The following ASAH2 variants were observed in gnomAD, a reference collection of about 807,000 sequenced individuals.
ASAH2 encodes the protein N-acylsphingosine amidohydrolase 2, also known as neutral ceramidase.
A neutral mutation model predicts 82.9 loss-of-function variants in ASAH2; 58 were observed. That is an observed-to-expected ratio of 0.70 (90% CI 0.57 to 0.87). The LOEUF is 0.87. Among genes scored for constraint, ASAH2 ranks in the 40% least tolerant of loss-of-function variants. ASAH2 has a pLI of 0.00. For synonymous variants in ASAH2, 276 were observed against 289.7 expected, an observed-to-expected ratio of 0.95 and a Z score of 0.48; for missense variants, 779 against 834.0, an observed-to-expected ratio of 0.93 and a Z score of 0.81.
At chr10:50,245,078 T>C in intron 3 of ASAH2, 144 bp downstream of exon 3, 1 of 749,120 alleles carries the variant, frequency 1.3e-6, no homozygotes, top group East Asian at 2.5e-5. Context: ...AGTATGAAAT[T>C]CATAGTGCTA....
intron 15 of ASAH2, 97 bp from the exon 16 acceptor site, chr10:50,203,021 AGTTT>A (rs1469891132): frequency 2.3e-6 from 2 of 863,492 alleles, no homozygotes; most frequent in Middle Eastern, 2.3e-4. Context: ...TTACACTATT[AGTTT>A]AAGATATTTT....
At chr10:50,247,644 T>C (rs893950079) in intron 2 of ASAH2, among the ~76,000 whole-genome samples, 1 of 151,464 alleles carries the variant, frequency 6.6e-6, no homozygotes, top group Non-Finnish European at 1.5e-5. Context: ...AGGTAGAAAA[T>C]ATCATCTTCT....
intron 16 of ASAH2, among the ~76,000 whole-genome samples, chr10:50,200,116 G>C (rs1845100481): frequency 6.6e-6 from 1 of 151,756 alleles, no homozygotes. Flanking sequence ...GTCTTGCCCA[G>C]ATCTTAATTA....
chr10:50,193,157 C>A (rs1187539047), intron 18 of ASAH2, among the ~76,000 whole-genome samples: 1 of 142,776 alleles, frequency 7.0e-6, no homozygotes, highest in Non-Finnish European at 1.5e-5. Context: ...ATCCTCCCCC[C>A]TGAAACGACT....
chr10:50,213,052 T>C lies in ASAH2; in HGVS notation c.1147A>G (p.Met383Val), dbSNP rs1177078830. Reference sequence around the variant, plus strand: ...TGTCCAGGTCCCTTAGCAATGCACATGCTAGGCTGGAACAAAATAAGATAT... The same window carrying C: ...TGTCCAGGTCCCTTAGCAATGCACACGCTAGGCTGGAACAAAATAAGATAT... ...NSTCPIGGPS[M>V]CIAKGPGQDM... is the part of the protein sequence containing the mutation. Residue 383 changes from methionine to valine, a missense_variant, in exon 10 of 21, where the codon ATG becomes GTG. Around this residue, in one of 3 missense-constraint regions of ASAH2, gnomAD observed 759 missense variants for 755.2 expected, o/e 1.00. Coordinates refer to ENST00000682911, the MANE Select transcript of ASAH2 (RefSeq NM_019893.4). 6 of 1,613,046 alleles carry C rather than the reference T, an allele frequency of 3.7e-6. No individual in the cohort carries two copies. The highest frequency in any genetic ancestry group is 2.2e-5 in the East Asian group (1 of 44,898).
intron 7 of ASAH2, among the ~76,000 whole-genome samples, chr10:50,224,697 T>C (rs1845835739): frequency 6.6e-6 from 1 of 152,230 alleles, no homozygotes; most frequent in Admixed American, 6.5e-5. Flanking sequence ...GTTAAGCCAC[T>C]GGAATTTCAC....
At chr10:50,208,458 G>A (rs1458878480) in intron 12 of ASAH2, among the ~76,000 whole-genome samples, 6 of 151,922 alleles carry the variant, frequency 3.9e-5, no homozygotes, top group East Asian at 3.9e-4. Context: ...GTTCAGCAAG[G>A]TTGTAGGATA....
At chr10:50,251,089 A>T (rs1846601522) in intron 1 of ASAH2, among the ~76,000 whole-genome samples, 1 of 152,248 alleles carries the variant, frequency 6.6e-6, no homozygotes, top group African/African-American at 2.4e-5. Flanking sequence ...ACTCCTTGGT[A>T]GAGCTAAGCC....
chr10:50,220,126 A>G (rs891590420), intron 7 of ASAH2, among the ~76,000 whole-genome samples: 3 of 152,270 alleles, frequency 2.0e-5, no homozygotes, highest in Non-Finnish European at 4.4e-5. Context: ...ACTATTTGAA[A>G]CAAACAAACA....
intron 7 of ASAH2, among the ~76,000 whole-genome samples, chr10:50,227,290 A>C (rs1473330932): frequency 6.6e-6 from 1 of 152,264 alleles, no homozygotes; most frequent in East Asian, 1.9e-4. Context: ...GACAAAAAAA[A>C]CACATTATTA....
At chr10:50,247,451 C>T (rs1432244471) in intron 2 of ASAH2, among the ~76,000 whole-genome samples, 4 of 151,966 alleles carry the variant, frequency 2.6e-5, no homozygotes, top group Non-Finnish European at 5.9e-5. Flanking sequence ...AGGTGTGAGC[C>T]ACCGGGCCCA....
At chr10:50,226,876 G>A (rs1845900679) in intron 7 of ASAH2, among the ~76,000 whole-genome samples, 2 of 152,098 alleles carry the variant, frequency 1.3e-5, no homozygotes, top group Admixed American at 1.3e-4. Flanking sequence ...GAGTGGCAAG[G>A]TCACTTTGGA....
intron 14 of ASAH2, 70 bp downstream of exon 14, chr10:50,204,791 G>T: frequency 1.7e-6 from 2 of 1,188,932 alleles, no homozygotes; most frequent in South Asian, 1.3e-5. Context: ...ATCTTTTCAT[G>T]ATAAGAAGCA....
intron 7 of ASAH2, among the ~76,000 whole-genome samples, chr10:50,221,134 C>G (rs1845733938): frequency 1.3e-5 from 2 of 152,116 alleles, no homozygotes; most frequent in South Asian, 4.1e-4. Context: ...AAGAGTCATC[C>G]CCTCGCAGTT....
intron 1 of ASAH2, among the ~76,000 whole-genome samples, 118 bp from the exon 2 acceptor site, chr10:50,248,764 C>T (rs895076862): frequency 6.6e-6 from 1 of 152,206 alleles, no homozygotes; most frequent in Non-Finnish European, 1.5e-5. Flanking sequence ...AGAGCACTTA[C>T]CACTCATTCC....
At chr10:50,197,965 A>C (rs1180899731) in intron 17 of ASAH2, among the ~76,000 whole-genome samples, 1 of 152,096 alleles carries the variant, frequency 6.6e-6, no homozygotes, top group Non-Finnish European at 1.5e-5. Flanking sequence ...TATTCAAAAA[A>C]AGTAACCTAA....
intron 4 of ASAH2, among the ~76,000 whole-genome samples, chr10:50,242,044 A>T (rs181595796): frequency 1.2e-3 from 190 of 152,182 alleles, no homozygotes; most frequent in African/African-American, 4.2e-3. Flanking sequence ...ATAAAAAATT[A>T]AAAAAAAGAA....
chr10:50,207,834 T>C (rs1845344472), intron 12 of ASAH2, among the ~76,000 whole-genome samples: 1 of 151,716 alleles, frequency 6.6e-6, no homozygotes, highest in African/African-American at 2.4e-5. Flanking sequence ...TATCCTGATA[T>C]AAAACCAGAC....
At chr10:50,240,231 G>A (rs1458103129) in intron 4 of ASAH2, among the ~76,000 whole-genome samples, 1 of 152,108 alleles carries the variant, frequency 6.6e-6, no homozygotes, top group Non-Finnish European at 1.5e-5. Flanking sequence ...GAAATTGTTA[G>A]GCAAAGTTAC....
Sources: allele counts gnomAD v4.1 joint callset (sites outside exome capture counted in the v4.1 genomes callset), GRCh38; gene constraint gnomAD v4.1.1; regional missense constraint gnomAD v4.1.1; transcripts MANE v1.5; gene names NCBI Gene and HGNC (gene_info 2026-07-23, HGNC 2026-07-21).